The following ZNF835 variants were observed in gnomAD, a reference collection of about 807,000 sequenced individuals.
The protein encoded by ZNF835 is zinc finger protein 835.
For synonymous variants in ZNF835, 323 were observed against 324.7 expected, an observed-to-expected ratio of 0.99 and a Z score of 0.06; for missense variants, 783 against 758.4, an observed-to-expected ratio of 1.03 and a Z score of -0.38.
At chr19:56,671,225 T>A (rs796357238) in intron 1 of ZNF835, among the ~76,000 whole-genome samples, 1 of 85,956 alleles carries the variant, frequency 1.2e-5, no homozygotes, top group African/African-American at 4.1e-5. Flanking sequence ...GCTGGTACCG[T>A]CGAGTGAGCA....
intron 1 of ZNF835, among the ~76,000 whole-genome samples, chr19:56,669,117 C>T (rs1030638087): frequency 6.6e-6 from 1 of 152,206 alleles, no homozygotes; most frequent in African/African-American, 2.4e-5. Context: ...AACCATAAAA[C>T]TGCCTCAACC....
chr19:56,665,039 G>T lies in ZNF835; in HGVS notation c.160C>A (p.Arg54Ser). 6.2e-7 allele frequency: 1 copy of T among 1,614,026 alleles called. No homozygotes were observed. The highest frequency in any genetic ancestry group is 1.3e-5 in the African/African-American group (1 of 75,060). The stretch of plus-strand genomic sequence containing the variant: ...CTTGGGATTCGGCTGAATTCATCGC[G>T]TTCCTGCATGCTGTCCCCAGCAGGG... ...GDPAGDSMQE[R>S]DEFSRIPRTI... The change falls in exon 2 of 2, where the codon CGC (arginine) becomes AGC (serine). Residue 54 changes from arginine (R) to serine (S), a missense_variant. Transcript: ENST00000537055.
Position 56,663,470 on chromosome 19 carries a change from GC to G in ZNF835, c.*114del. ...TAGCCCTGTGTCTTCCCCACTGTGT[GC>G]CCTCAGGCAAGTTAACAAGCTTCTC... On this transcript the variant is annotated 3_prime_UTR_variant, in exon 2 of 2. Transcript: ENST00000537055. 7.1e-7 allele frequency: 1 copy of G among 1,414,868 alleles called. No individual in the cohort carries two copies. Among genetic ancestry groups the G allele is most frequent in the Non-Finnish European group, 9.7e-7 (1 of 1,033,778 alleles). The allele number at this position is 1,414,868 out of a possible 1,614,324, so 87.6% of individuals were successfully genotyped here.
chr19:56,665,557 G>T (rs191727025), intron 1 of ZNF835: 8 of 517,130 alleles, frequency 1.5e-5, no homozygotes, highest in Non-Finnish European at 3.0e-5. Context: ...GGGAGGCCAA[G>T]GCAGGTGGTT....
At position 56,664,537 on chromosome 19, in the gene ZNF835, G is replaced by A; in HGVS notation, c.662C>T (p.Pro221Leu). 6.2e-7 allele frequency: 1 copy of A among 1,609,678 alleles called. No homozygotes were observed. Among genetic ancestry groups the A allele is most frequent in the Non-Finnish European group, 8.5e-7 (1 of 1,177,758 alleles). The change falls in exon 2 of 2, where the codon CCC (proline) becomes CTC (leucine). Residue 221 changes from proline (P) to leucine (L), a missense_variant. By Grantham distance (98) the Pro-to-Leu change is moderately conservative. Transcript: ENST00000537055. ...CTTGGCGCACTGGGCGCACGCGTAGGGCCGCTCGCCCGTGTGCACGCGCCG... is the reference window on the plus strand; with the variant it reads ...CTTGGCGCACTGGGCGCACGCGTAGAGCCGCTCGCCCGTGTGCACGCGCCG... ...QHRRVHTGER[P>L]YACAQCAKAF...
At chr19:56,670,118 C>T (rs2045276256) in intron 1 of ZNF835, among the ~76,000 whole-genome samples, 1 of 147,132 alleles carries the variant, frequency 6.8e-6, no homozygotes, top group African/African-American at 2.5e-5. Context: ...AGGAGTCCTC[C>T]ATTAGCATAA....
intron 1 of ZNF835, among the ~76,000 whole-genome samples, chr19:56,670,293 A>T (rs2045277720): frequency 6.6e-6 from 1 of 152,108 alleles, no homozygotes; most frequent in African/African-American, 2.4e-5. Context: ...AAGATTAAAC[A>T]TATATTTCTT....
rs780810972 is a variant in ZNF835 at position 56,663,497 on chromosome 19, T to C, written c.*88A>G. 1.6e-5 allele frequency: 25 copies of C among 1,551,604 alleles called. No homozygotes were observed. The highest frequency in any genetic ancestry group is 2.1e-5 in the Non-Finnish European group (24 of 1,145,598). ...CCTCAGGCAAGTTAACAAGCTTCTC[T>C]GAGCCTCGGTTTCCTCACAGGAAGC... On this transcript the variant is annotated 3_prime_UTR_variant, in exon 2 of 2. Coordinates refer to ENST00000537055, the MANE Select transcript of ZNF835 (RefSeq NM_001005850.3).
intron 1 of ZNF835, among the ~76,000 whole-genome samples, chr19:56,668,201 TAGTC>T (rs1307189919): frequency 5.9e-5 from 9 of 152,082 alleles, no homozygotes; most frequent in Middle Eastern, 3.4e-3. Context: ...TTCACCATAT[TAGTC>T]AGGCTGGTCT....
chr19:56,671,186 G>C (rs2045287747), intron 1 of ZNF835, among the ~76,000 whole-genome samples: 1 of 135,968 alleles, frequency 7.4e-6, no homozygotes, highest in Non-Finnish European at 1.6e-5. Flanking sequence ...CTCAGGGACG[G>C]GCTCACAGGC....
rs1012705940 is a variant in ZNF835 at position 56,664,968 on chromosome 19, G to C, written c.231C>G (p.Asp77Glu). ...GCGCGCTGCACCTCCGGGAACTGCT[G>C]TCGTCGGGGACACTGGCTTGGGTAG... ...PAATQASVPDDSSSRRCSAPG... is the reference protein window; with the variant it reads ...PAATQASVPDESSSRRCSAPG... Residue 77 changes from aspartate to glutamate, a missense_variant, in exon 2 of 2, where the codon GAC becomes GAG. Coordinates refer to ENST00000537055, the MANE Select transcript of ZNF835 (RefSeq NM_001005850.3). 5 of 1,613,938 alleles carry C rather than the reference G, an allele frequency of 3.1e-6. No homozygotes were observed. In the African/African-American group the frequency reaches 6.7e-5, roughly 22 times the overall value.
chr19:56,665,613 G>A lies in ZNF835; in HGVS notation c.-47-368C>T, dbSNP rs546919836. 2.6e-5 allele frequency among the ~76,000 whole-genome samples: 4 copies of A among 152,136 alleles called. No homozygotes were observed. The South Asian group carries it at 8.3e-4, about 31-fold the overall frequency. On this transcript the variant is annotated intron_variant, in intron 1 of 1. Coordinates refer to ENST00000537055, the MANE Select transcript of ZNF835 (RefSeq NM_001005850.3). ...GACCAGCAAACTGTCTGCTGCCTGG[G>A]CAACACAGCAAGATCTCATTTCTAC... is the stretch of plus-strand genomic sequence containing the variant.
rs1010547437 is a variant in ZNF835 at position 56,663,526 on chromosome 19, G to A, written c.*59C>T. The A allele has an allele frequency of 4.4e-6, 7 of 1,601,876 alleles. No individual in the cohort carries two copies. Among genetic ancestry groups the A allele is most frequent in the Non-Finnish European group, 6.0e-6 (7 of 1,174,854 alleles). The stretch of plus-strand genomic sequence containing the variant: ...CCTCGGTTTCCTCACAGGAAGCGTC[G>A]GGGATAACACAGTATCTCCCCCATA... On this transcript the variant is annotated 3_prime_UTR_variant, in exon 2 of 2. Coordinates refer to ENST00000537055, the MANE Select transcript of ZNF835 (RefSeq NM_001005850.3).
Position 56,663,886 on chromosome 19 carries a change from C to T in ZNF835, c.1313G>A (p.Arg438His). ...GTAGGGCCGCTCGCCCGTGTGCGTG[C>T]GCTGGTGCAGGGCGAGCGAGGAGCC... ...SQGSSLALHQ[R>H]THTGERPYTC... Residue 438 changes from arginine (R) to histidine (H), a missense_variant, in exon 2 of 2, where the codon CGC (arginine) becomes CAC (histidine). Arg to His is a conservative substitution (Grantham distance 29). Transcript: ENST00000537055. 6.2e-7 allele frequency: 1 copy of T among 1,612,290 alleles called. No individual in the cohort carries two copies. The highest frequency in any genetic ancestry group is 8.5e-7 in the Non-Finnish European group (1 of 1,179,604).
At chr19:56,668,017 A>G (rs1040959513) in intron 1 of ZNF835, among the ~76,000 whole-genome samples, 2 of 151,982 alleles carry the variant, frequency 1.3e-5, no homozygotes, top group African/African-American at 4.8e-5. Context: ...TGTTTTTGAG[A>G]TAAGAGTTTC....
At position 56,664,444 on chromosome 19, in the gene ZNF835, C is replaced by A. The variant is rs1029660173; in HGVS notation, c.755G>T (p.Cys252Phe). 4 of 1,612,574 alleles carry A rather than the reference C, an allele frequency of 2.5e-6. No individual in the cohort carries two copies. Among genetic ancestry groups the A allele is most frequent in the African/African-American group, 2.7e-5 (2 of 74,562 alleles). ...RIHTGEKPYE[C>F]SACAKAFRFS... The stretch of plus-strand genomic sequence containing the variant: ...GCGGAAGGCCTTGGCGCACGCGGAG[C>A]ACTCGTAGGGCTTCTCACCGGTGTG... The change falls in exon 2 of 2, where the codon TGC becomes TTC. Residue 252 changes from cysteine (C) to phenylalanine (F), a missense_variant. Cys to Phe is a radical substitution (Grantham distance 205). Transcript: ENST00000537055.
intron 1 of ZNF835, 110 bp from the exon 2 acceptor site, chr19:56,665,355 T>C: frequency 1.0e-6 from 1 of 993,392 alleles, no homozygotes; most frequent in Non-Finnish European, 1.6e-6. Flanking sequence ...CCTGGACCTC[T>C]GTGCCAATGA....
chr19:56,671,055 A>C (rs535903208), intron 1 of ZNF835, among the ~76,000 whole-genome samples: 1 of 152,308 alleles, frequency 6.6e-6, no homozygotes, highest in South Asian at 2.1e-4. Context: ...AGACACAGTG[A>C]CACTCGGGGA....
chr19:56,665,716 T>G (rs1383623602), intron 1 of ZNF835, among the ~76,000 whole-genome samples: 1 of 152,096 alleles, frequency 6.6e-6, no homozygotes, highest in East Asian at 1.9e-4. Context: ...GGCAAGAGGA[T>G]CAGCTGAGCT....
Sources: gnomAD v4.1 joint callset for allele counts (sites outside exome capture counted in the v4.1 genomes callset) on GRCh38, gnomAD v4.1.1 for gene constraint, MANE v1.5 for transcripts, NCBI Gene and HGNC (gene_info 2026-07-23, HGNC 2026-07-21) for gene names.